The following TGM3 variants were observed in gnomAD, a reference collection of about 807,000 sequenced individuals.
TGM3 encodes the protein protein-glutamine gamma-glutamyltransferase E.
A neutral mutation model predicts 73.8 loss-of-function variants in TGM3; 52 were observed. That is an observed-to-expected ratio of 0.70 (90% CI 0.56 to 0.89). The LOEUF (loss-of-function observed/expected upper bound fraction) is 0.89, where lower values mean the gene tolerates loss of function less well. TGM3 is among the 40% of genes least tolerant of loss of function. TGM3 has a pLI of 0.00. For missense variants in TGM3, 928 were observed against 909.9 expected (o/e 1.02, Z -0.26); for synonymous variants, 372 against 354.9 (o/e 1.05, Z -0.54).
At position 2,328,757 on chromosome 20, in the gene TGM3, G is replaced by C. The variant is rs1277257885; in HGVS notation, c.1333+392G>C. On this transcript the variant is annotated intron_variant, in intron 9 of 12. Coordinates refer to ENST00000381458, the MANE Select transcript of TGM3 (RefSeq NM_003245.4). This position sits in a 1 kb window ranked among gnomAD's most constrained non-coding sequence, Gnocchi z 5.2. ...CCATCAGTCTGCTCCCTTAGCCTCTGAGAAACTCAGGGAGAAAACCATCTG... is the reference window on the plus strand; with the variant it reads ...CCATCAGTCTGCTCCCTTAGCCTCTCAGAAACTCAGGGAGAAAACCATCTG... 6.6e-6 allele frequency among the ~76,000 whole-genome samples: 1 copy of C among 152,242 alleles called. No homozygotes were observed. Among genetic ancestry groups the C allele is most frequent in the African/African-American group, 2.4e-5 (1 of 41,456 alleles).
intron 12 of TGM3, 43 bp downstream of exon 12, chr20:2,340,030 G>C (rs566061302): frequency 6.6e-7 from 1 of 1,516,938 alleles, no homozygotes; most frequent in South Asian, 1.2e-5. Flanking sequence ...GGGCGGGAGG[G>C]GGCGGGGGGG....
At chr20:2,311,250 A>G (rs1600695674) in intron 4 of TGM3, 121 bp downstream of exon 4, 1 of 787,044 alleles carries the variant, frequency 1.3e-6, no homozygotes, top group East Asian at 2.5e-5. Flanking sequence ...CTATTTGTTC[A>G]TGTATTCAGA....
intron 5 of TGM3, among the ~76,000 whole-genome samples, chr20:2,315,946 C>T (rs2084231069): frequency 6.6e-6 from 1 of 152,226 alleles, no homozygotes; most frequent in Non-Finnish European, 1.5e-5. Context: ...CCTGTGTCTG[C>T]ATCACAAGCT....
intron 5 of TGM3, among the ~76,000 whole-genome samples, chr20:2,313,484 T>C (rs962630673): frequency 1.3e-5 from 2 of 152,154 alleles, no homozygotes; most frequent in South Asian, 2.1e-4. Context: ...GAGTGTCAGA[T>C]GGTAGGCTGC....
rs999956501 is a variant in TGM3 at position 2,340,088 on chromosome 20, G to A, written c.1934+101G>A. 3.5e-6 allele frequency: 5 copies of A among 1,415,760 alleles called. No homozygotes were observed. In the Admixed American group the frequency reaches 1.0e-4, roughly 30 times the overall value. The allele number at this position is 1,415,760 out of a possible 1,614,324, so 87.7% of individuals were successfully genotyped here. ...ACAGACAGAGCTCCCTCTGACCTTG[G>A]GTTCTTTACTCTTTTGGGGGTCTTG... On this transcript the variant is annotated intron_variant, in intron 12 of 12. Coordinates refer to ENST00000381458, the MANE Select transcript of TGM3 (RefSeq NM_003245.4).
chr20:2,310,165 T>A lies in TGM3; in HGVS notation c.182-13T>A. 1.9e-6 allele frequency: 3 copies of A among 1,613,858 alleles called. No individual in the cohort carries two copies. Among genetic ancestry groups the A allele is most frequent in the Non-Finnish European group, 2.5e-6 (3 of 1,179,840 alleles). On this transcript the variant is annotated splice_polypyrimidine_tract_variant and intron_variant, in intron 2 of 12. Transcript: ENST00000381458. ...TGCTTGTTGGTTTTCTCAACCTCTG[T>A]CTTCTTTGACAGGGCCTTACCCCTC...
At chr20:2,340,389 G>A (rs1480783915) in intron 12 of TGM3, 45 bp from the exon 13 acceptor site, 2 of 1,610,650 alleles carry the variant, frequency 1.2e-6, no homozygotes, top group Non-Finnish European at 1.7e-6. Flanking sequence ...CCAGCCCAAG[G>A]TCCGTGTGTC....
chr20:2,339,779 T>A, intron 11 of TGM3, 75 bp from the exon 12 acceptor site: 1 of 1,596,870 alleles, frequency 6.3e-7, no homozygotes, highest in Non-Finnish European at 8.5e-7. Context: ...TCAGTCACCC[T>A]GCCCAGCCCT....
chr20:2,325,697 T>C (rs751593349), intron 7 of TGM3, 152 bp from the exon 8 acceptor site: 2 of 632,162 alleles, frequency 3.2e-6, no homozygotes, highest in African/African-American at 1.8e-5. Context: ...CACGAGACGA[T>C]GCTCACCAGG....
rs1284400338 is a variant in TGM3 at position 2,317,491 on chromosome 20, T to C, written c.983+6T>C. 2 of 1,613,928 alleles carry C rather than the reference T, an allele frequency of 1.2e-6. No homozygotes were observed. Among genetic ancestry groups the C allele is most frequent in the African/African-American group, 2.7e-5 (2 of 74,948 alleles). On this transcript the variant is annotated splice_donor_region_variant and intron_variant, in intron 7 of 12. Transcript: ENST00000381458. ...AAGGGTAGTGATAGCGTATGGTAAG[T>C]ATCTCACCTTTTCCCTGAACTTCGA...
chr20:2,340,141 G>C (rs1444719697), intron 12 of TGM3, among the ~76,000 whole-genome samples, 154 bp downstream of exon 12: 1 of 152,164 alleles, frequency 6.6e-6, no homozygotes, highest in Non-Finnish European at 1.5e-5. Context: ...TTTGCATTTG[G>C]TTTGGGGGTT....
chr20:2,324,851 G>T (rs1200239460), intron 7 of TGM3, among the ~76,000 whole-genome samples: 3 of 152,150 alleles, frequency 2.0e-5, no homozygotes, highest in Non-Finnish European at 4.4e-5. Flanking sequence ...ATAGTGCTTT[G>T]ATCATGCTCA....
chr20:2,309,916 G>A, intron 2 of TGM3, 86 bp downstream of exon 2: 1 of 1,550,760 alleles, frequency 6.4e-7, no homozygotes. Context: ...ACCACACTGG[G>A]GCCACTGGCA....
At chr20:2,325,369 G>T (rs904525128) in intron 7 of TGM3, among the ~76,000 whole-genome samples, 3 of 152,172 alleles carry the variant, frequency 2.0e-5, no homozygotes, top group African/African-American at 7.2e-5. Context: ...CCAAGAGACG[G>T]TGTGGCTCTT....
At chr20:2,340,040 G>GGGGGGGGGGGGGGGCGGGGC in intron 12 of TGM3, 53 bp downstream of exon 12, 1 of 944,842 alleles carries the variant, frequency 1.1e-6, no homozygotes, top group Non-Finnish European at 1.6e-6. Context: ...GGGCGGGGGG[G>GGGGGGGGGGGGGGGCGGGGC]CCCTCCAGAT....
chr20:2,326,697 A>G (rs2422689), intron 8 of TGM3, among the ~76,000 whole-genome samples: 93,042 of 151,922 alleles, frequency 0.61, 30,972 homozygotes, highest in East Asian at 0.82. Context: ...AAAAATACAA[A>G]ATTAGTCGGG....
intron 7 of TGM3, among the ~76,000 whole-genome samples, chr20:2,323,069 C>A (rs1373373840): frequency 6.6e-6 from 1 of 151,598 alleles, no homozygotes; most frequent in Non-Finnish European, 1.5e-5. Flanking sequence ...TTTCTTTTTC[C>A]TTTTTTATTT....
At chr20:2,325,775 A>G (rs2084283805) in intron 7 of TGM3, 74 bp from the exon 8 acceptor site, 7 of 1,069,948 alleles carry the variant, frequency 6.5e-6, no homozygotes, top group Non-Finnish European at 9.9e-6. Flanking sequence ...CTGTTGGGGC[A>G]AAGATGTGCT....
intron 1 of TGM3, among the ~76,000 whole-genome samples, 173 bp from the exon 2 acceptor site, chr20:2,309,484 T>G (rs904914074): frequency 6.6e-6 from 1 of 152,260 alleles, no homozygotes; most frequent in Non-Finnish European, 1.5e-5. Flanking sequence ...TAGGTTGTGA[T>G]GTTCTTGCTA....
Sources: allele counts gnomAD v4.1 joint callset (sites outside exome capture counted in the v4.1 genomes callset), GRCh38; gene constraint gnomAD v4.1.1; non-coding constraint Gnocchi (gnomAD v3.1); transcripts MANE v1.5; gene names NCBI Gene and HGNC (gene_info 2026-07-23, HGNC 2026-07-21).